Variants in SLC2A2 observed in about 807,000 individuals in gnomAD.
SLC2A2 encodes the protein solute carrier family 2, facilitated glucose transporter member 2.
Under a neutral mutation model 54.5 loss-of-function variants are expected in SLC2A2, and 36 were observed. The ratio of observed to expected loss-of-function variants is 0.66; its 90% CI spans 0.51 to 0.87. The LOEUF (loss-of-function observed/expected upper bound fraction) is 0.87, where lower values mean the gene tolerates loss of function less well. Among genes scored for constraint, SLC2A2 ranks in the 40% least tolerant of loss-of-function variants. The pLI, the probability that SLC2A2 is intolerant of heterozygous loss-of-function variation, is 0.00. For missense variants in SLC2A2, 543 were observed against 624.3 expected (o/e 0.87, Z 1.39); for synonymous variants, 223 against 219.1 (o/e 1.02, Z -0.16).
intron 1 of SLC2A2, among the ~76,000 whole-genome samples, chr3:171,021,102 A>T (rs1716443692): frequency 6.6e-6 from 1 of 152,304 alleles, no homozygotes; most frequent in African/African-American, 2.4e-5. Flanking sequence ...ATGTAACTCG[A>T]CATCTAAAAC....
chr3:171,026,279 A>G (rs1716688113), intron 1 of SLC2A2, among the ~76,000 whole-genome samples: 1 of 151,818 alleles, frequency 6.6e-6, no homozygotes, highest in South Asian at 2.1e-4. Flanking sequence ...TCTAGAGAAC[A>G]ACCCTTCTAC....
intron 4 of SLC2A2, among the ~76,000 whole-genome samples, chr3:171,007,752 C>T (rs1328359288): frequency 2.6e-5 from 4 of 151,910 alleles, no homozygotes; most frequent in East Asian, 1.9e-4. Context: ...ATTTCCACAA[C>T]GTAGAGGGCC....
At chr3:171,018,505 A>T in intron 2 of SLC2A2, 26 bp downstream of exon 2, 1 of 1,514,288 alleles carries the variant, frequency 6.6e-7, no homozygotes, top group Non-Finnish European at 9.2e-7. Context: ...CTTGCCAAAA[A>T]GAGAACTTCT....
At chr3:170,998,504 A>G in intron 9 of SLC2A2, 108 bp from the exon 10 acceptor site, 2 of 818,400 alleles carry the variant, frequency 2.4e-6, no homozygotes, top group South Asian at 1.5e-5. Flanking sequence ...TTTCTAATGT[A>G]TTTTGTTCAA....
chr3:171,022,942 C>A (rs1282281540), intron 1 of SLC2A2, among the ~76,000 whole-genome samples: 2 of 152,170 alleles, frequency 1.3e-5, no homozygotes, highest in Non-Finnish European at 2.9e-5. Flanking sequence ...TGCTGGATCT[C>A]CCATCCTATT....
chr3:171,009,890 G>A, intron 4 of SLC2A2, 68 bp downstream of exon 4: 1 of 1,529,390 alleles, frequency 6.5e-7, no homozygotes, highest in Non-Finnish European at 8.8e-7. Flanking sequence ...TCCGCCTTTA[G>A]AGTTACTTTC....
intron 7 of SLC2A2, among the ~76,000 whole-genome samples, chr3:171,004,496 A>G (rs1715492798): frequency 6.6e-6 from 1 of 151,882 alleles, no homozygotes; most frequent in African/African-American, 2.4e-5. Flanking sequence ...CCATCTCTCA[A>G]TCACCCACAA....
intron 1 of SLC2A2, among the ~76,000 whole-genome samples, chr3:171,019,991 A>C (rs1240017920): frequency 6.6e-6 from 1 of 152,172 alleles, no homozygotes; most frequent in African/African-American, 2.4e-5. Context: ...CATTTACATA[A>C]ATTTTTAAAA....
At chr3:171,011,047 A>T (rs1715858908) in intron 3 of SLC2A2, among the ~76,000 whole-genome samples, 1 of 152,116 alleles carries the variant, frequency 6.6e-6, no homozygotes, top group African/African-American at 2.4e-5. Flanking sequence ...TCAAACTTTG[A>T]TAGGTGGGCC....
rs149108283 is a variant in SLC2A2 at position 171,014,706 on chromosome 3, A to G, written c.134T>C (p.Val45Ala). The change falls in exon 3 of 11, where the codon GTT becomes GCT. Residue 45 changes from valine to alanine, a missense_variant. By Grantham distance (64) the Val-to-Ala change is moderately conservative. This residue lies in a region of SLC2A2 where 318 missense variants were observed against 343.8 expected (regional missense o/e 0.93). Transcript: ENST00000314251. ...TCGGTCATCCAGTGGAACACCCAAA[A>G]CATGTCTATAGTGAGATATTATTAC... is the stretch of plus-strand genomic sequence containing the variant. ...QQVIISHYRH[V>A]LGVPLDDRKA... The G allele has an allele frequency of 8.1e-6, 13 of 1,613,052 alleles. No homozygotes were observed. The highest frequency in any genetic ancestry group is 1.7e-5 in the Admixed American group (1 of 60,000).
chr3:171,013,347 T>C (rs1014952096), intron 3 of SLC2A2, among the ~76,000 whole-genome samples: 1 of 152,094 alleles, frequency 6.6e-6, no homozygotes, highest in East Asian at 1.9e-4. Context: ...ATTTTACAGA[T>C]TCGTATTTAA....
At chr3:171,013,395 GA>G (rs1278358438) in intron 3 of SLC2A2, among the ~76,000 whole-genome samples, 1 of 152,016 alleles carries the variant, frequency 6.6e-6, no homozygotes, top group Non-Finnish European at 1.5e-5. Context: ...TAAAATATAA[GA>G]AATTGACCAC....
chr3:171,019,214 A>G (rs3774046), intron 1 of SLC2A2, among the ~76,000 whole-genome samples: 20,433 of 148,838 alleles, frequency 0.14, 1,553 homozygotes, highest in East Asian at 0.19. Context: ...GACGGAAGGG[A>G]GCCGCCAAGA....
intron 2 of SLC2A2, among the ~76,000 whole-genome samples, chr3:171,016,867 T>G (rs1347214449): frequency 6.6e-6 from 1 of 151,588 alleles, no homozygotes; most frequent in Non-Finnish European, 1.5e-5. Flanking sequence ...TTTTTTTTTT[T>G]TTTGAGATGG....
chr3:171,001,595 GAGTAT>G (rs1186977445), intron 8 of SLC2A2, among the ~76,000 whole-genome samples: 1 of 151,988 alleles, frequency 6.6e-6, no homozygotes, highest in Non-Finnish European at 1.5e-5. Flanking sequence ...AAATTATATT[GAGTAT>G]AGTATTGTGA....
intron 1 of SLC2A2, among the ~76,000 whole-genome samples, chr3:171,019,779 C>T (rs1380642769): frequency 6.6e-6 from 1 of 152,060 alleles, no homozygotes; most frequent in Non-Finnish European, 1.5e-5. Flanking sequence ...TTTTTAAAGG[C>T]TTAAACATGA....
intron 3 of SLC2A2, among the ~76,000 whole-genome samples, chr3:171,011,065 T>G (rs1715860731): frequency 6.6e-6 from 1 of 152,254 alleles, no homozygotes; most frequent in East Asian, 1.9e-4. Flanking sequence ...GCCTTTTCCA[T>G]GCAAGTATCT....
intron 4 of SLC2A2, among the ~76,000 whole-genome samples, chr3:171,008,251 A>G (rs566630868): frequency 8.5e-5 from 13 of 152,188 alleles, no homozygotes; most frequent in Admixed American, 2.0e-4. Context: ...ATTGTTCTTA[A>G]TGTCTCAAAT....
chr3:171,004,686 G>A (rs1441023996), intron 7 of SLC2A2, among the ~76,000 whole-genome samples: 1 of 151,910 alleles, frequency 6.6e-6, no homozygotes, highest in Non-Finnish European at 1.5e-5. Context: ...CATGATGCAG[G>A]GGTTTCAGTG....
Sources: gnomAD v4.1 joint callset for allele counts (sites outside exome capture counted in the v4.1 genomes callset) on GRCh38, gnomAD v4.1.1 for gene constraint, gnomAD v4.1.1 regional missense constraint, MANE v1.5 for transcripts, NCBI Gene and HGNC (gene_info 2026-07-23, HGNC 2026-07-21) for gene names.